TM9SF2: variants seen among roughly 807,000 people sequenced by gnomAD.
TM9SF2 encodes the protein transmembrane 9 superfamily member 2, also known as 76 kDa membrane protein.
Under a neutral mutation model 84.9 loss-of-function variants are expected in TM9SF2, and 13 were observed. The ratio of observed to expected loss-of-function variants is 0.15; its 90% CI spans 0.10 to 0.24. The LOEUF is 0.24. TM9SF2 is among the 10% of genes least tolerant of loss of function. The probability of loss-of-function intolerance (pLI) is 1.00; values close to 1 mark genes in which losing one functional copy is unlikely to be tolerated. For missense variants in TM9SF2, 562 were observed against 818.5 expected, an observed-to-expected ratio of 0.69 and a Z score of 3.82; for synonymous variants, 273 against 285.8, an observed-to-expected ratio of 0.96 and a Z score of 0.45.
At chr13:99,507,332 A>G (rs2046092996) in intron 1 of TM9SF2, among the ~76,000 whole-genome samples, 1 of 152,184 alleles carries the variant, frequency 6.6e-6, no homozygotes, top group Admixed American at 6.5e-5. Context: ...TGACAGTTCC[A>G]GAAAACACTC....
Position 99,547,103 on chromosome 13 carries a change from G to C in TM9SF2, c.1269G>C (p.Lys423Asn). ...GCTATGTTGCTGCCAGATTCTATAA[G>C]TGTAAGTCAAAGCCACTGTGACTGG... ...PAGYVAARFY[K>N]SFGGEKWKTN... Residue 423 changes from lysine (K) to asparagine (N), a missense_variant and splice_region_variant, in exon 11 of 17, where the codon AAG becomes AAC. Coordinates refer to ENST00000376387, the MANE Select transcript of TM9SF2 (RefSeq NM_004800.3). 6.2e-7 allele frequency: 1 copy of C among 1,614,058 alleles called. No individual in the cohort carries two copies. Among genetic ancestry groups the C allele is most frequent in the South Asian group, 1.1e-5 (1 of 91,066 alleles).
chr13:99,527,924 A>G (rs1339353630), intron 3 of TM9SF2, among the ~76,000 whole-genome samples: 8 of 152,220 alleles, frequency 5.3e-5, no homozygotes, highest in African/African-American at 9.6e-5. Flanking sequence ...CTGGTCTCCT[A>G]ACAAGATGGA....
chr13:99,550,434 A>G (rs2046300912), intron 12 of TM9SF2, among the ~76,000 whole-genome samples: 1 of 152,130 alleles, frequency 6.6e-6, no homozygotes, highest in South Asian at 2.1e-4. Flanking sequence ...TTTTCTCTGT[A>G]TTGTCTAACA....
intron 1 of TM9SF2, 53 bp from the exon 2 acceptor site, chr13:99,517,561 A>T: frequency 8.2e-7 from 1 of 1,218,866 alleles, no homozygotes; most frequent in Non-Finnish European, 1.2e-6. Flanking sequence ...AGCATGACTT[A>T]AGGCTTTGTG....
At chr13:99,550,339 G>A (rs1231599526) in intron 12 of TM9SF2, among the ~76,000 whole-genome samples, 1 of 151,986 alleles carries the variant, frequency 6.6e-6, no homozygotes, top group Non-Finnish European at 1.5e-5. Context: ...GCAGTGTAAA[G>A]CCACGTCATT....
intron 3 of TM9SF2, among the ~76,000 whole-genome samples, chr13:99,521,091 AT>A (rs2046158182): frequency 6.6e-6 from 1 of 152,202 alleles, no homozygotes; most frequent in African/African-American, 2.4e-5. Flanking sequence ...ACAAAGAACA[AT>A]GGTCTTTTGC....
At chr13:99,549,657 A>T (rs556674113) in intron 12 of TM9SF2, among the ~76,000 whole-genome samples, 5 of 152,338 alleles carry the variant, frequency 3.3e-5, no homozygotes, top group Admixed American at 6.5e-5. Flanking sequence ...AAAATAAAAA[A>T]TAAGCAGCCA....
chr13:99,550,901 TA>T (rs149955422), intron 12 of TM9SF2, among the ~76,000 whole-genome samples: 3,931 of 152,320 alleles, frequency 0.026, 183 homozygotes, highest in African/African-American at 0.09. Flanking sequence ...GCTTGTTGTT[TA>T]AGTTCTGTTC....
intron 11 of TM9SF2, among the ~76,000 whole-genome samples, chr13:99,547,416 A>G (rs543530416): frequency 6.6e-6 from 1 of 152,364 alleles, no homozygotes; most frequent in South Asian, 2.1e-4. Flanking sequence ...TCATAGAAGC[A>G]CATATAGACT....
At chr13:99,532,182 G>C (rs1255170899) in intron 4 of TM9SF2, among the ~76,000 whole-genome samples, 1 of 151,704 alleles carries the variant, frequency 6.6e-6, no homozygotes, top group African/African-American at 2.4e-5. Flanking sequence ...CTCCCGAGTA[G>C]CTGGGACTAC....
intron 3 of TM9SF2, among the ~76,000 whole-genome samples, chr13:99,522,307 C>T (rs1040705246): frequency 6.6e-6 from 1 of 152,208 alleles, no homozygotes; most frequent in African/African-American, 2.4e-5. Flanking sequence ...AGGCATGAGC[C>T]ACCATGCCCG....
At chr13:99,557,728 TA>T (rs796568682) in intron 15 of TM9SF2, among the ~76,000 whole-genome samples, 2 of 151,928 alleles carry the variant, frequency 1.3e-5, no homozygotes, top group South Asian at 4.2e-4. Flanking sequence ...TTATAAAAAA[TA>T]ACAAAATTAG....
At chr13:99,536,808 C>A in intron 5 of TM9SF2, 71 bp downstream of exon 5, 1 of 1,549,458 alleles carries the variant, frequency 6.5e-7, no homozygotes, top group Admixed American at 1.8e-5. Context: ...TTTACCTGGA[C>A]AAAAATTGTT....
At chr13:99,560,425 C>T (rs963974086) in intron 16 of TM9SF2, among the ~76,000 whole-genome samples, 1 of 152,000 alleles carries the variant, frequency 6.6e-6, no homozygotes, top group African/African-American at 2.4e-5. Context: ...TGGTGGGGTG[C>T]GTGTCTTGGT....
At chr13:99,522,166 G>T (rs1301867962) in intron 3 of TM9SF2, among the ~76,000 whole-genome samples, 1 of 152,094 alleles carries the variant, frequency 6.6e-6, no homozygotes, top group Non-Finnish European at 1.5e-5. Flanking sequence ...AATTACAGGC[G>T]TGTGTCACTA....
chr13:99,517,014 G>A (rs1034035286), intron 1 of TM9SF2, among the ~76,000 whole-genome samples: 2 of 152,082 alleles, frequency 1.3e-5, no homozygotes, highest in African/African-American at 4.8e-5. Context: ...AATGCTTTTA[G>A]TTAAAATATC....
chr13:99,512,572 A>T (rs955237495), intron 1 of TM9SF2, among the ~76,000 whole-genome samples: 2 of 152,178 alleles, frequency 1.3e-5, no homozygotes, highest in Middle Eastern at 3.2e-3. Context: ...TGGGCTATGT[A>T]CTGAAATGGA....
At chr13:99,555,182 GTTTTA>G (rs1391356883) in intron 14 of TM9SF2, among the ~76,000 whole-genome samples, 3 of 152,186 alleles carry the variant, frequency 2.0e-5, no homozygotes, top group African/African-American at 7.2e-5. Flanking sequence ...AATTCAACTG[GTTTTA>G]TTATATGTGA....
chr13:99,548,839 C>T (rs975115683), intron 11 of TM9SF2, among the ~76,000 whole-genome samples: 4 of 152,124 alleles, frequency 2.6e-5, no homozygotes, highest in African/African-American at 4.8e-5. Flanking sequence ...GTGAGAATCC[C>T]GTGTGCCCTT....
Sources: allele counts gnomAD v4.1 joint callset (sites outside exome capture counted in the v4.1 genomes callset), GRCh38; gene constraint gnomAD v4.1.1; transcripts MANE v1.5; gene names NCBI Gene and HGNC (gene_info 2026-07-23, HGNC 2026-07-21).